Variants in HYDIN observed in about 807,000 individuals in gnomAD.
HYDIN encodes axonemal central pair apparatus protein HYDIN.
HYDIN carries 132 observed loss-of-function variants against 403.9 expected under a neutral mutation model. The observed-to-expected ratio is 0.33, with a 90% CI of 0.28 to 0.38. The LOEUF (loss-of-function observed/expected upper bound fraction) is 0.38. Ranked by LOEUF, HYDIN falls within the 10% of genes least tolerant of loss-of-function variation. HYDIN has a pLI of 1.00. For synonymous variants in HYDIN, 1,202 were observed against 1,891.7 expected (o/e 0.64, Z 9.46); for missense variants, 2,827 against 5,009.5 (o/e 0.56, Z 13.15).
intron 13 of HYDIN, among the ~76,000 whole-genome samples, chr16:71,073,937 T>C (rs1446023056): frequency 2.0e-5 from 3 of 152,196 alleles, no homozygotes; most frequent in Non-Finnish European, 4.4e-5. Context: ...TTTATAGCCA[T>C]AGAAATTTTA....
chr16:70,804,982 T>A lies in HYDIN; in HGVS notation c.*2598A>T, dbSNP rs1226278802. Reference sequence around the variant, plus strand: ...GTTAGACAAGATTTCAGACAGCTTCTTCCACCTTTTCTTTAGTCTTAGGGA... The same window carrying A: ...GTTAGACAAGATTTCAGACAGCTTCATCCACCTTTTCTTTAGTCTTAGGGA... On this transcript the variant is annotated 3_prime_UTR_variant, in exon 86 of 86. Transcript: ENST00000393567. Among the ~76,000 whole-genome samples the A allele has an allele frequency of 6.6e-6, 1 of 152,244 alleles. No homozygotes were observed. Among genetic ancestry groups the A allele is most frequent in the Admixed American group, 6.5e-5 (1 of 15,288 alleles).
Position 70,866,209 on chromosome 16 carries a change from G to A in HYDIN, c.11431C>T (p.Arg3811Cys), listed in dbSNP as rs111706881. The change falls in exon 67 of 86, where the codon CGC (arginine) becomes TGC (cysteine). Residue 3811 changes from arginine to cysteine, a missense_variant. Coordinates refer to ENST00000393567, the MANE Select transcript of HYDIN (RefSeq NM_001270974.2). ...ASYHCQARDV[R>C]FKETLVYQTR... ...TGGTAAACCAAGGTTTCCTTAAAGC[G>A]CACATCTCTTGCTTGGCAATGGTAT... 8.1e-5 allele frequency: 120 copies of A among 1,486,634 alleles called. No homozygotes were observed. The highest frequency in any genetic ancestry group is 4.5e-4 in the African/African-American group (32 of 71,680). 92.1% of individuals were successfully genotyped at this position (1,486,634 alleles called of 1,614,324 possible).
chr16:71,172,263 T>C (rs978073964), intron 5 of HYDIN, among the ~76,000 whole-genome samples: 3 of 152,230 alleles, frequency 2.0e-5, no homozygotes, highest in African/African-American at 7.2e-5. Context: ...CTTCAAAGCT[T>C]GCTGCCTTTT....
chr16:70,891,313 C>T (rs1448285657), intron 57 of HYDIN, among the ~76,000 whole-genome samples: 2 of 152,110 alleles, frequency 1.3e-5, no homozygotes, highest in South Asian at 2.1e-4. Context: ...CTCAGCCTCC[C>T]GAGTAGCTGG....
At chr16:71,219,476 T>A (rs2089078672) in intron 1 of HYDIN, among the ~76,000 whole-genome samples, 1 of 152,168 alleles carries the variant, frequency 6.6e-6, no homozygotes, top group Non-Finnish European at 1.5e-5. Flanking sequence ...GATTTGGTAT[T>A]CATATTAAGA....
intron 1 of HYDIN, among the ~76,000 whole-genome samples, chr16:71,225,422 C>G (rs148333031): frequency 2.0e-3 from 298 of 152,344 alleles, no homozygotes; most frequent in African/African-American, 7.0e-3. Flanking sequence ...CACCTGTTTT[C>G]TCTTACTGTT....
intron 36 of HYDIN, among the ~76,000 whole-genome samples, chr16:70,965,361 CAT>C (rs2078541562): frequency 2.0e-5 from 3 of 151,278 alleles, no homozygotes; most frequent in African/African-American, 4.9e-5. Flanking sequence ...TATGTGTGCA[CAT>C]GTGTGTGAAT....
intron 79 of HYDIN, 138 bp from the exon 80 acceptor site, chr16:70,833,205 T>G: frequency 4.1e-6 from 3 of 732,342 alleles, no homozygotes; most frequent in South Asian, 1.9e-5. Flanking sequence ...AGGAGAAAGA[T>G]CTCTGCCAGA....
rs2039927069 is a variant in HYDIN, at chr16:70,868,713, T to A, written c.11167A>T (p.Asn3723Tyr). Residue 3723 changes from asparagine to tyrosine, a missense_variant, in exon 66 of 86, where the codon AAT becomes TAT. Transcript: ENST00000393567. ...MKSDVPINLKNMRIRCKLSRI... is the reference protein window; with the variant it reads ...MKSDVPINLKYMRIRCKLSRI... ...GAGAGCTTGCACCTGATCCGCATAT[T>A]CTTTAGGTTGATGGGTACATCTGAC... 3 of 1,614,134 alleles carry A rather than the reference T, an allele frequency of 1.9e-6. No individual in the cohort carries two copies. Among genetic ancestry groups the A allele is most frequent in the Non-Finnish European group, 2.5e-6 (3 of 1,180,018 alleles).
chr16:71,056,743 T>C (rs1436436587), intron 18 of HYDIN, among the ~76,000 whole-genome samples: 1 of 152,232 alleles, frequency 6.6e-6, no homozygotes. Context: ...CCTGAATTTG[T>C]AATAGGCTTG....
Position 70,809,906 on chromosome 16 carries a change from A to G in HYDIN, c.14760T>C (p.Tyr4920=). The G allele has an allele frequency of 6.2e-7, 1 of 1,614,200 alleles. No individual in the cohort carries two copies. Among genetic ancestry groups the G allele is most frequent in the Non-Finnish European group, 8.5e-7 (1 of 1,180,038 alleles). The part of the protein sequence containing the change: ...TDLGYYQYEL[Y]LKATPALPEK... The stretch of plus-strand genomic sequence containing the variant: ...CCGGAAGTGCTGGCGTGGCTTTCAG[A>G]TAGAGCTCATATTGGTAGTAACCCA... Residue 4920 remains tyrosine, a synonymous_variant, in exon 85 of 86, where the codon TAT becomes TAC. Transcript: ENST00000393567.
chr16:70,923,647 C>CAAAAAAAAAAA (rs57860871), intron 45 of HYDIN, among the ~76,000 whole-genome samples: 60 of 69,194 alleles, frequency 8.7e-4, no homozygotes, highest in African/African-American at 2.9e-3. Context: ...CTAAAAAATA[C>CAAAAAAAAAAA]AAAAAAAAAA....
chr16:70,808,959 T>C (rs770719829), intron 85 of HYDIN, among the ~76,000 whole-genome samples: 22 of 152,334 alleles, frequency 1.4e-4, no homozygotes, highest in Admixed American at 4.6e-4. Flanking sequence ...ACAGAAGATG[T>C]CTGGGTGCCT....
intron 23 of HYDIN, among the ~76,000 whole-genome samples, chr16:70,996,929 T>C (rs1219510581): frequency 1.3e-5 from 2 of 150,988 alleles, no homozygotes; most frequent in African/African-American, 4.9e-5. Flanking sequence ...TCTATTATTA[T>C]TACATTGTAA....
In HYDIN at chr16:71,062,249, G is replaced by A. The variant is rs1279433381; in HGVS notation, c.2296C>T (p.Leu766=). The A allele has an allele frequency of 6.6e-7, 1 of 1,509,468 alleles. No homozygotes were observed. 93.5% of individuals were successfully genotyped at this position (1,509,468 alleles called of 1,614,324 possible). A position where few individuals can be genotyped will look rare whatever the true frequency, so the allele number is the denominator to read the frequency against. ...ISPSSTIHIP[L]VLETQVTGEH... ...CCAGTGACCTGGGTCTCCAGGACCA[G>A]TGGTATGTGGATGGTGCTGCTTGGG... The change falls in exon 17 of 86, where the codon CTG becomes TTG. Residue 766 remains leucine, a synonymous_variant. Transcript: ENST00000393567.
At chr16:70,854,030 C>T (rs544830798) in intron 73 of HYDIN, among the ~76,000 whole-genome samples, 23 of 150,506 alleles carry the variant, frequency 1.5e-4, no homozygotes, top group African/African-American at 5.6e-4. Flanking sequence ...CAGGAATGTG[C>T]CACCACGCCT....
chr16:71,202,151 T>C (rs535587397), intron 1 of HYDIN, among the ~76,000 whole-genome samples: 4 of 152,358 alleles, frequency 2.6e-5, no homozygotes, highest in African/African-American at 7.2e-5. Flanking sequence ...ACACCTTTTG[T>C]TACTACAGCC....
At chr16:71,109,545 ATAATAG>A (rs1252225483) in intron 10 of HYDIN, among the ~76,000 whole-genome samples, 1 of 128,080 alleles carries the variant, frequency 7.8e-6, no homozygotes, top group Non-Finnish European at 1.5e-5. Context: ...CTCATTGAAG[ATAATAG>A]TAAGGAATCA....
At chr16:70,854,395 C>T (rs113089921) in intron 73 of HYDIN, among the ~76,000 whole-genome samples, 1 of 148,528 alleles carries the variant, frequency 6.7e-6, no homozygotes, top group South Asian at 2.2e-4. Flanking sequence ...CCACCACACC[C>T]GGCTAATTAT....
Sources: gnomAD v4.1 joint callset for allele counts (sites outside exome capture counted in the v4.1 genomes callset) on GRCh38, gnomAD v4.1.1 for gene constraint, MANE v1.5 for transcripts, NCBI Gene and HGNC (gene_info 2026-07-23, HGNC 2026-07-21) for gene names.